DPP6: variants seen among roughly 807,000 people sequenced by gnomAD.
The protein encoded by DPP6 is A-type potassium channel modulatory protein DPP6.
DPP6 carries 69 observed loss-of-function variants against 122.6 expected under a neutral mutation model. That is an observed-to-expected ratio of 0.56 (90% confidence interval 0.46 to 0.69). The LOEUF (loss-of-function observed/expected upper bound fraction) is 0.69. Among genes scored for constraint, DPP6 ranks in the 30% least tolerant of loss-of-function variants. The probability of loss-of-function intolerance (pLI) is 0.00; values close to 1 mark genes in which losing one functional copy is unlikely to be tolerated. For synonymous variants in DPP6, 418 were observed against 433.1 expected, an observed-to-expected ratio of 0.97 and a Z score of 0.43; for missense variants, 928 against 1,116.9, an observed-to-expected ratio of 0.83 and a Z score of 2.41.
At chr7:154,211,737 C>T (rs547517489) in intron 1 of DPP6, among the ~76,000 whole-genome samples, 3 of 152,290 alleles carry the variant, frequency 2.0e-5, no homozygotes, top group Non-Finnish European at 2.9e-5. Context: ...CCTCGTGCAA[C>T]TGCAGTCACC....
At chr7:153,785,893 GT>G in the DPP6 span, among the ~76,000 whole-genome samples, 12,016 of 145,896 alleles carry the variant, frequency 0.082, 1,306 homozygotes, top group African/African-American at 0.25. Flanking sequence ...TTTTAAAACT[GT>G]TTTTTTTTTT....
chr7:154,052,981 G>A lies in DPP6; in HGVS notation c.161G>A (p.Arg54Gln), dbSNP rs1192123768. 3.6e-6 allele frequency: 4 copies of A among 1,097,452 alleles called. No individual in the cohort carries two copies. The highest frequency in any genetic ancestry group is 5.3e-5 in the Admixed American group (1 of 19,012). The allele number at this position is 1,097,452 out of a possible 1,614,324, so 68.0% of individuals were successfully genotyped here. ...CCGCGGGCGCAGGCGGCGGCGCCCC[G>A]GGAGCGCGGCGGCGGCGGCGGCGGC... ...LGPRAQAAAP[R>Q]ERGGGGGGAG... The change falls in exon 1 of 26, where the codon CGG becomes CAG. Residue 54 changes from arginine (R) to glutamine (Q), a missense_variant. By Grantham distance (43) the Arg-to-Gln change is conservative. Coordinates refer to ENST00000377770, the MANE Select transcript of DPP6 (RefSeq NM_130797.4). This position sits in a 1 kb window ranked among gnomAD's most constrained non-coding sequence, Gnocchi z 4.8.
chr7:154,266,311 G>A (rs967608823), intron 1 of DPP6, among the ~76,000 whole-genome samples: 4 of 152,060 alleles, frequency 2.6e-5, no homozygotes, highest in African/African-American at 7.2e-5. Flanking sequence ...AACTAGGAAG[G>A]GTTACAGTCT....
intron 6 of DPP6, among the ~76,000 whole-genome samples, chr7:154,663,968 A>G (rs1393261632): frequency 9.7e-6 from 1 of 102,846 alleles, no homozygotes; most frequent in East Asian, 3.6e-4. Flanking sequence ...TATTGGCGCT[A>G]GTATTCATAT....
the DPP6 span, among the ~76,000 whole-genome samples, chr7:153,791,926 A>T: frequency 6.6e-6 from 1 of 152,344 alleles, no homozygotes; most frequent in Non-Finnish European, 1.5e-5. Flanking sequence ...CTCCAGTCTG[A>T]ATGGCAGACT....
intron 3 of DPP6, among the ~76,000 whole-genome samples, chr7:154,510,938 A>ACACACACACACACACACATG (rs1193960155): frequency 0.07 from 68 of 968 alleles, no homozygotes; most frequent in African/African-American, 0.19. Flanking sequence ...ACACACATGC[A>ACACACACACACACACACATG]CACACACACA....
chr7:153,908,526 A>G (rs1409016979), intron 1 of DPP6, among the ~76,000 whole-genome samples: 2 of 152,198 alleles, frequency 1.3e-5, no homozygotes, highest in East Asian at 1.9e-4. Context: ...AATGATTTCT[A>G]TAGGCACACA....
At chr7:154,015,544 T>C (rs988049279) in intron 1 of DPP6, among the ~76,000 whole-genome samples, 16 of 152,160 alleles carry the variant, frequency 1.1e-4, no homozygotes, top group African/African-American at 3.6e-4. Context: ...CTCATCCCCA[T>C]GGCCATCGCT....
rs189447422 is a variant in DPP6 at position 154,022,532 on chromosome 7, A to T, written c.51+134798A>T. 1.8e-3 allele frequency among the ~76,000 whole-genome samples: 268 copies of T among 152,340 alleles called. 2 individuals are homozygous for T. Among genetic ancestry groups the T allele is most frequent in the African/African-American group, 6.2e-3 (257 of 41,572 alleles). ...AGGTAGAAGAAAAGAGTTTTAGGCA[A>T]TGCCTAATATGTGATTGAAAGATGC... On this transcript the variant is annotated intron_variant, in intron 1 of 25. Coordinates refer to the DPP6 transcript ENST00000404039.
chr7:154,668,894 G>A (rs1037460241), intron 6 of DPP6, among the ~76,000 whole-genome samples: 1 of 152,032 alleles, frequency 6.6e-6, no homozygotes, highest in Non-Finnish European at 1.5e-5. Flanking sequence ...ACTTGTATCT[G>A]TCAACACAAA....
chr7:153,886,214 T>C (rs1455869000), upstream of DPP6, among the ~76,000 whole-genome samples: 1 of 151,858 alleles, frequency 6.6e-6, no homozygotes, highest in Non-Finnish European at 1.5e-5. Flanking sequence ...GGTCTGCATA[T>C]GAATTTGACC....
the DPP6 span, among the ~76,000 whole-genome samples, chr7:153,794,649 T>G: frequency 6.6e-6 from 1 of 152,112 alleles, no homozygotes; most frequent in Admixed American, 6.5e-5. Flanking sequence ...TTTTGATATG[T>G]GAGGACATGA....
At chr7:154,032,128 C>T (rs1251336549) in intron 1 of DPP6, among the ~76,000 whole-genome samples, 2 of 151,982 alleles carry the variant, frequency 1.3e-5, no homozygotes, top group African/African-American at 4.8e-5. Flanking sequence ...CCCGCCTCAG[C>T]CTCCCAAAGT....
intron 1 of DPP6, among the ~76,000 whole-genome samples, chr7:154,133,243 G>T (rs1361662273): frequency 6.6e-6 from 1 of 152,190 alleles, no homozygotes; most frequent in Non-Finnish European, 1.5e-5. Context: ...GCAGAGCTGG[G>T]ATTCAACCCA....
the DPP6 span, among the ~76,000 whole-genome samples, chr7:153,836,239 T>C: frequency 6.6e-6 from 1 of 152,346 alleles, no homozygotes; most frequent in African/African-American, 2.4e-5. Context: ...TGTGTGCCTC[T>C]TTCTGGCTCA....
chr7:154,735,241 C>A (rs953848651), intron 8 of DPP6, among the ~76,000 whole-genome samples: 1 of 152,124 alleles, frequency 6.6e-6, no homozygotes, highest in African/African-American at 2.4e-5. Flanking sequence ...GAAATCACAC[C>A]CTTAGTTGCC....
chr7:153,816,591 A>G, the DPP6 span, among the ~76,000 whole-genome samples: 2 of 152,240 alleles, frequency 1.3e-5, no homozygotes, highest in East Asian at 3.8e-4. Context: ...AGAGTAAAGA[A>G]ACCCAAAAGG....
intron 3 of DPP6, among the ~76,000 whole-genome samples, chr7:154,517,013 T>A (rs1433213185): frequency 6.6e-6 from 1 of 152,208 alleles, no homozygotes; most frequent in Middle Eastern, 3.2e-3. Flanking sequence ...GTGTTTGCTA[T>A]ATGAAAGCAC....
At chr7:154,423,491 G>A (rs1817653929) in intron 1 of DPP6, among the ~76,000 whole-genome samples, 2 of 152,134 alleles carry the variant, frequency 1.3e-5, no homozygotes, top group Non-Finnish European at 2.9e-5. Flanking sequence ...GCCATCCTAG[G>A]AATGTGACCT....
Sources: allele counts gnomAD v4.1 joint callset (sites outside exome capture counted in the v4.1 genomes callset), GRCh38; gene constraint gnomAD v4.1.1; non-coding constraint Gnocchi (gnomAD v3.1); transcripts MANE v1.5; gene names NCBI Gene and HGNC (gene_info 2026-07-23, HGNC 2026-07-21).